OPCML: variants seen among roughly 807,000 people sequenced by gnomAD.
OPCML encodes opioid binding protein/cell adhesion molecule like.
Under a neutral mutation model 37.8 loss-of-function variants are expected in OPCML, and 13 were observed. That is an observed-to-expected ratio of 0.34 (90% confidence interval 0.22 to 0.55). The LOEUF (loss-of-function observed/expected upper bound fraction) is 0.55. OPCML is among the 20% of genes least tolerant of loss of function. The pLI is 0.91. For synonymous variants in OPCML, 176 were observed against 168.8 expected (o/e 1.04, Z -0.33); for missense variants, 341 against 435.6 (o/e 0.78, Z 1.93).
chr11:132,683,873 T>C (rs527583992), intron 2 of OPCML, among the ~76,000 whole-genome samples: 2 of 152,254 alleles, frequency 1.3e-5, no homozygotes, highest in South Asian at 2.1e-4. Context: ...TGGGATTGCA[T>C]TGCATCATAT....
chr11:133,025,340 T>A lies in OPCML; in HGVS notation c.62-82330A>T, dbSNP rs928899337. On this transcript the variant is annotated intron_variant, in intron 1 of 7. Transcript: ENST00000524381. ...TTTCTGTGGATGATTATGGCTGTTA[T>A]TAAGTTTTCGATTATATAACTTGTT... The A allele has an allele frequency of 3.0e-6, 3 of 985,320 alleles. No homozygotes were observed. The African/African-American group carries it at 5.2e-5, about 17-fold the overall frequency. 61.0% of individuals were successfully genotyped at this position (985,320 alleles called of 1,614,324 possible).
At chr11:132,441,307 G>A (rs7108354) in intron 4 of OPCML, among the ~76,000 whole-genome samples, 29,066 of 146,240 alleles carry the variant, frequency 0.2, 6,041 homozygotes, top group African/African-American at 0.53. Flanking sequence ...AGCTGGGACT[G>A]CAGGCGCCCG....
intron 1 of OPCML, among the ~76,000 whole-genome samples, chr11:133,377,104 G>C (rs1418812604): frequency 6.6e-6 from 1 of 152,202 alleles, no homozygotes; most frequent in Non-Finnish European, 1.5e-5. Context: ...CGTGGTTTAG[G>C]AGTGAAAGTT....
chr11:133,062,380 C>T (rs186032229), intron 1 of OPCML, among the ~76,000 whole-genome samples: 16 of 152,346 alleles, frequency 1.1e-4, no homozygotes, highest in East Asian at 9.6e-4. Flanking sequence ...GGTGTCTTCT[C>T]GAGCCTTTTC....
chr11:133,439,714 G>A (rs12269933), intron 1 of OPCML, among the ~76,000 whole-genome samples: 52,939 of 151,816 alleles, frequency 0.35, 14,033 homozygotes, highest in African/African-American at 0.74. Context: ...TGATCCACCC[G>A]CCTTGGCCTC....
At chr11:132,827,787 A>G (rs1424509839) in intron 2 of OPCML, among the ~76,000 whole-genome samples, 1 of 150,432 alleles carries the variant, frequency 6.6e-6, no homozygotes, top group African/African-American at 2.4e-5. Flanking sequence ...CTACAGGCGC[A>G]TGCCACCACG....
chr11:133,526,228 C>T (rs1591600235), intron 1 of OPCML, among the ~76,000 whole-genome samples: 1 of 152,294 alleles, frequency 6.6e-6, no homozygotes, highest in Non-Finnish European at 1.5e-5. Flanking sequence ...CATGTATGGC[C>T]GTGTCTGGCA....
chr11:132,701,803 G>A lies in OPCML; in HGVS notation c.147-44484C>T, dbSNP rs563824763. ...GTGTGTGTGTGTGTGTGTGGTGGTG[G>A]TGGGCGTGTGCTTTCCTTTTTTTTT... is the stretch of plus-strand genomic sequence containing the variant. On this transcript the variant is annotated intron_variant, in intron 2 of 7. Transcript: ENST00000524381. Among the ~76,000 whole-genome samples the A allele has an allele frequency of 5.9e-4, 77 of 131,494 alleles. No individual in the cohort carries two copies. The South Asian group carries it at 0.019, about 33-fold the overall frequency. The allele number at this position is 131,494 out of a possible 152,430, so 86.3% of individuals were successfully genotyped here. A position where few individuals can be genotyped will look rare whatever the true frequency, so the allele number is the denominator to read the frequency against.
intron 1 of OPCML, chr11:133,024,812 A>G (rs1053118938): frequency 4.1e-6 from 4 of 985,298 alleles, no homozygotes; most frequent in African/African-American, 3.5e-5. Context: ...ACTCAGTTCT[A>G]TCACTGCCTG....
chr11:132,680,677 T>C (rs1942902625), intron 2 of OPCML, among the ~76,000 whole-genome samples: 1 of 152,202 alleles, frequency 6.6e-6, no homozygotes, highest in African/African-American at 2.4e-5. Flanking sequence ...GGAATTATTT[T>C]ACTTAGTGTC....
In OPCML at chr11:133,174,864, G is replaced by C. The variant is rs190828111; in HGVS notation, c.62-231854C>G. Among the ~76,000 whole-genome samples the C allele has an allele frequency of 1.0e-3, 155 of 152,248 alleles. No individual in the cohort carries two copies. The highest frequency in any genetic ancestry group is 1.9e-3 in the Non-Finnish European group (127 of 68,028). ...AACCTGTAATCCCAGCACTTTGGGA[G>C]GCCAAGGCAGGAGGATCACTTGAGA... On this transcript the variant is annotated intron_variant, in intron 1 of 7. Coordinates refer to ENST00000524381, the MANE Select transcript of OPCML (RefSeq NM_001012393.5). This position sits in a 1 kb window ranked among gnomAD's most constrained non-coding sequence, Gnocchi z 4.6.
intron 2 of OPCML, among the ~76,000 whole-genome samples, chr11:132,895,453 G>A (rs1020190003): frequency 5.3e-5 from 8 of 152,116 alleles, no homozygotes; most frequent in African/African-American, 1.9e-4. Flanking sequence ...CACAGGTCTG[G>A]GATTGCTGAA....
intron 1 of OPCML, among the ~76,000 whole-genome samples, chr11:133,045,648 C>A (rs993376740): frequency 1.3e-5 from 2 of 152,172 alleles, no homozygotes; most frequent in African/African-American, 4.8e-5. Context: ...CATCTTCTTC[C>A]CTCTCCCAAT....
chr11:133,200,476 T>C (rs902373168), intron 1 of OPCML, among the ~76,000 whole-genome samples: 6 of 152,188 alleles, frequency 3.9e-5, no homozygotes, highest in Admixed American at 1.3e-4. Context: ...AGCAATCTCA[T>C]TCTTTTAGAG....
chr11:133,316,201 G>A (rs771233213), intron 1 of OPCML, among the ~76,000 whole-genome samples: 1 of 152,146 alleles, frequency 6.6e-6, no homozygotes, highest in Non-Finnish European at 1.5e-5. Flanking sequence ...TGCTCAGATA[G>A]GAACAAGACT....
chr11:133,527,060 T>A (rs1250882615), intron 1 of OPCML, among the ~76,000 whole-genome samples: 1 of 152,188 alleles, frequency 6.6e-6, no homozygotes, highest in Non-Finnish European at 1.5e-5. Context: ...CCCAGGCAGC[T>A]GCAGGCAGAT....
chr11:132,524,791 G>T (rs1022804879), intron 4 of OPCML, among the ~76,000 whole-genome samples: 2 of 152,170 alleles, frequency 1.3e-5, no homozygotes, highest in Non-Finnish European at 2.9e-5. Flanking sequence ...GAAAAGCTGG[G>T]ATGTCTTGGG....
chr11:133,235,701 C>T (rs953815648), intron 1 of OPCML, among the ~76,000 whole-genome samples: 7 of 152,132 alleles, frequency 4.6e-5, no homozygotes, highest in Admixed American at 1.3e-4. Flanking sequence ...CTAAACCACC[C>T]GTTAGGGACC....
chr11:133,124,927 G>C (rs950551204), intron 1 of OPCML, among the ~76,000 whole-genome samples: 1 of 152,136 alleles, frequency 6.6e-6, no homozygotes. Context: ...CACCCAATGA[G>C]GAGTCACTTC....
Sources: gnomAD v4.1 joint callset for allele counts (sites outside exome capture counted in the v4.1 genomes callset) on GRCh38, gnomAD v4.1.1 for gene constraint, Gnocchi (gnomAD v3.1) non-coding constraint, MANE v1.5 for transcripts, NCBI Gene and HGNC (gene_info 2026-07-23, HGNC 2026-07-21) for gene names.